The following ATG5 variants were observed in gnomAD, a reference collection of about 807,000 sequenced individuals.
ATG5 encodes the protein autophagy related 5.
ATG5 carries 14 observed loss-of-function variants against 36.5 expected under a neutral mutation model. The observed-to-expected ratio is 0.38, with a 90% CI of 0.25 to 0.60. The LOEUF is 0.60. Among genes scored for constraint, ATG5 ranks in the 20% least tolerant of loss-of-function variants. ATG5 has a pLI of 0.60. For synonymous variants in ATG5, 95 were observed against 101.5 expected, an observed-to-expected ratio of 0.94 and a Z score of 0.38; for missense variants, 195 against 326.7, an observed-to-expected ratio of 0.60 and a Z score of 3.11.
chr6:106,209,783 G>A (rs557826695), intron 6 of ATG5, among the ~76,000 whole-genome samples: 1 of 152,244 alleles, frequency 6.6e-6, no homozygotes, highest in East Asian at 1.9e-4. Flanking sequence ...ACTAGATGAA[G>A]GGTATGTAGA....
In ATG5 at chr6:106,270,462, A is replaced by G. The variant is rs932817015; in HGVS notation, c.478+9199T>C. Among the ~76,000 whole-genome samples the G allele has an allele frequency of 3.9e-5, 6 of 152,346 alleles. No individual in the cohort carries two copies. In the East Asian group the frequency reaches 5.8e-4, roughly 15 times the overall value. ...ATAACAAAAATGACCTAATTAGCTCAGCTATATGTACAAAAAAAGCAAACA... is the reference window on the plus strand; with the variant it reads ...ATAACAAAAATGACCTAATTAGCTCGGCTATATGTACAAAAAAAGCAAACA... On this transcript the variant is annotated intron_variant, in intron 5 of 7. Transcript: ENST00000369076.
chr6:106,295,673 C>T lies in ATG5; in HGVS notation c.237-2567G>A, dbSNP rs567428948. 2.0e-5 allele frequency among the ~76,000 whole-genome samples: 3 copies of T among 152,020 alleles called. No individual in the cohort carries two copies. In the South Asian group the frequency reaches 6.2e-4, roughly 32 times the overall value. ...TGACCTCCTGGGCTCAAGCGATCCT[C>T]CCACCTCAGCCTCCTGAGTGGCTGG... On this transcript the variant is annotated intron_variant, in intron 3 of 7. Coordinates refer to ENST00000369076, the MANE Select transcript of ATG5 (RefSeq NM_004849.4).
intron 6 of ATG5, among the ~76,000 whole-genome samples, chr6:106,229,355 G>A (rs1777576130): frequency 6.6e-6 from 1 of 152,026 alleles, no homozygotes; most frequent in Non-Finnish European, 1.5e-5. Flanking sequence ...GTTTGTAAAT[G>A]GCTAAGAGAG....
chr6:106,312,486 T>A lies in ATG5; in HGVS notation c.108+3615A>T, dbSNP rs568733429. Among the ~76,000 whole-genome samples, 22 of 151,678 alleles carry A rather than the reference T, an allele frequency of 1.5e-4. No homozygotes were observed. In the East Asian group the frequency reaches 3.9e-3, roughly 27 times the overall value. On this transcript the variant is annotated intron_variant, in intron 2 of 7. Transcript: ENST00000369076. ...AGAAAAATATTGGGAATTGTCAAGA[T>A]ATAAATGCTTGACAAAGACATAAAA...
At chr6:106,295,686 C>A (rs1240737606) in intron 3 of ATG5, among the ~76,000 whole-genome samples, 2 of 151,968 alleles carry the variant, frequency 1.3e-5, no homozygotes, top group Non-Finnish European at 2.9e-5. Context: ...ACCTCAGCCT[C>A]CTGAGTGGCT....
chr6:106,279,963 A>T (rs896476756), intron 4 of ATG5, 140 bp from the exon 5 acceptor site: 8 of 499,806 alleles, frequency 1.6e-5, no homozygotes, highest in African/African-American at 1.4e-4. Flanking sequence ...AAATACTTTA[A>T]AATTTAACTT....
chr6:106,284,035 T>C (rs1482155213), intron 4 of ATG5, among the ~76,000 whole-genome samples: 2 of 152,218 alleles, frequency 1.3e-5, no homozygotes, highest in Non-Finnish European at 2.9e-5. Context: ...TTATACTCCA[T>C]TGTAAGGATA....
intron 3 of ATG5, among the ~76,000 whole-genome samples, chr6:106,300,256 C>CA (rs1244610872): frequency 6.6e-6 from 1 of 152,054 alleles, no homozygotes; most frequent in Non-Finnish European, 1.5e-5. Context: ...TTTTCACACA[C>CA]AAAAAATTTT....
chr6:106,320,623 C>T (rs1771028246), intron 1 of ATG5, among the ~76,000 whole-genome samples: 2 of 121,542 alleles, frequency 1.6e-5, no homozygotes, highest in South Asian at 2.4e-4. Context: ...AAAGGCTGTT[C>T]TGAAAAAAAA....
chr6:106,270,358 A>G (rs539546939), intron 5 of ATG5, among the ~76,000 whole-genome samples: 1 of 152,340 alleles, frequency 6.6e-6, no homozygotes, highest in Non-Finnish European at 1.5e-5. Context: ...GAAGTTGTAG[A>G]TTCTTAAATG....
At chr6:106,223,400 T>A (rs1039432059) in intron 6 of ATG5, among the ~76,000 whole-genome samples, 1 of 152,162 alleles carries the variant, frequency 6.6e-6, no homozygotes, top group African/African-American at 2.4e-5. Flanking sequence ...TAATTAATAG[T>A]TGTTTTCAGT....
At chr6:106,243,901 AT>A (rs1778227223) in intron 6 of ATG5, among the ~76,000 whole-genome samples, 1 of 124,830 alleles carries the variant, frequency 8.0e-6, no homozygotes, top group Non-Finnish European at 1.6e-5. Flanking sequence ...AGTAGGAACC[AT>A]CCTTTTTTTT....
At chr6:106,295,930 AT>A (rs947150859) in intron 3 of ATG5, among the ~76,000 whole-genome samples, 1 of 152,192 alleles carries the variant, frequency 6.6e-6, no homozygotes, top group Admixed American at 6.5e-5. Flanking sequence ...ATCATAAATT[AT>A]TTTTTTAACC....
At chr6:106,196,990 A>T (rs1336855779) in intron 7 of ATG5, among the ~76,000 whole-genome samples, 1 of 152,242 alleles carries the variant, frequency 6.6e-6, no homozygotes, top group African/African-American at 2.4e-5. Flanking sequence ...ACACAAATGT[A>T]TCAAGGGAGA....
chr6:106,303,035 A>T (rs1253679300), intron 3 of ATG5, among the ~76,000 whole-genome samples: 2 of 152,046 alleles, frequency 1.3e-5, no homozygotes, highest in Admixed American at 6.6e-5. Flanking sequence ...TCAAAAAAAT[A>T]ACCTAAGTCC....
At chr6:106,239,210 T>A (rs1437009274) in intron 6 of ATG5, among the ~76,000 whole-genome samples, 2 of 151,908 alleles carry the variant, frequency 1.3e-5, no homozygotes, top group Admixed American at 1.3e-4. Context: ...TTTTTGTTTT[T>A]CCAATGCCAT....
At chr6:106,241,458 A>G (rs1056133180) in intron 6 of ATG5, among the ~76,000 whole-genome samples, 6 of 152,246 alleles carry the variant, frequency 3.9e-5, no homozygotes. Flanking sequence ...AAATAAAAAT[A>G]AAATTATCTT....
rs903975888 is a variant in ATG5, at chr6:106,251,761, A to G, written c.479-3517T>C. Among the ~76,000 whole-genome samples, 13 of 151,072 alleles carry G rather than the reference A, an allele frequency of 8.6e-5. 1 individual carries two copies. In the East Asian group the frequency reaches 2.5e-3, roughly 29 times the overall value. On this transcript the variant is annotated intron_variant, in intron 5 of 7. Coordinates refer to ENST00000369076, the MANE Select transcript of ATG5 (RefSeq NM_004849.4). Reference sequence around the variant, plus strand: ...AAAGAAAGAAAAGAAAGAAAGAAAAAGAAAAGAAGAAAAGAAAAGGAGGAG... The same window carrying G: ...AAAGAAAGAAAAGAAAGAAAGAAAAGGAAAAGAAGAAAAGAAAAGGAGGAG...
At chr6:106,218,670 C>T (rs1326414802) in intron 6 of ATG5, among the ~76,000 whole-genome samples, 1 of 152,086 alleles carries the variant, frequency 6.6e-6, no homozygotes, top group East Asian at 1.9e-4. Flanking sequence ...CTAAAATGAA[C>T]ACCTAGTGAA....
Sources: gnomAD v4.1 joint callset for allele counts (sites outside exome capture counted in the v4.1 genomes callset) on GRCh38, gnomAD v4.1.1 for gene constraint, MANE v1.5 for transcripts, NCBI Gene and HGNC (gene_info 2026-07-23, HGNC 2026-07-21) for gene names.